MTMR14: variants seen among roughly 807,000 people sequenced by gnomAD.
MTMR14 encodes myotubularin related protein 14.
MTMR14 carries 48 observed loss-of-function variants against 86.3 expected under a neutral mutation model. The ratio of observed to expected loss-of-function variants is 0.56; its 90% confidence interval spans 0.44 to 0.71. The LOEUF is 0.71. Ranked by LOEUF, MTMR14 falls within the 30% of genes least tolerant of loss-of-function variation. The pLI is 0.00. For synonymous variants in MTMR14, 366 were observed against 326.1 expected, an observed-to-expected ratio of 1.12 and a Z score of -1.32; for missense variants, 780 against 834.6, an observed-to-expected ratio of 0.93 and a Z score of 0.81.
chr3:9,688,577 C>G, intron 14 of MTMR14, 119 bp from the exon 15 acceptor site: 1 of 1,131,486 alleles, frequency 8.8e-7, no homozygotes, highest in Non-Finnish European at 1.3e-6. Context: ...AGGCTAGGAC[C>G]CGTCTCCACA....
intron 2 of MTMR14, among the ~76,000 whole-genome samples, chr3:9,655,709 C>T (rs1291254049): frequency 1.3e-5 from 2 of 151,500 alleles, no homozygotes. Flanking sequence ...GATCCAGCCG[C>T]CTCGGCCTCC....
At chr3:9,689,141 C>T in intron 16 of MTMR14, 59 bp downstream of exon 16, 1 of 1,597,724 alleles carries the variant, frequency 6.3e-7, no homozygotes, top group South Asian at 1.1e-5. Context: ...CCATCAGCAC[C>T]AGGGAGCCAG....
chr3:9,690,033 G>A lies in MTMR14; in HGVS notation c.1503G>A (p.Leu501=), dbSNP rs1356114194. The part of the protein sequence containing the change: ...WNRPQPSEDR[L]PSQQGLAEAR... Reference sequence around the variant, plus strand: ...GGCCACAACCCTCAGAGGACCGCTTGCCTTCCCAGCAGGGGCTGGCGGAAG... The same window carrying A: ...GGCCACAACCCTCAGAGGACCGCTTACCTTCCCAGCAGGGGCTGGCGGAAG... Residue 501 remains leucine, a synonymous_variant, in exon 17 of 19, where the codon TTG becomes TTA. Transcript: ENST00000296003. 6.2e-7 allele frequency: 1 copy of A among 1,612,784 alleles called. No homozygotes were observed. Among genetic ancestry groups the A allele is most frequent in the Admixed American group, 1.7e-5 (1 of 60,004 alleles).
rs764090288 is a variant in MTMR14, at chr3:9,684,630, C to A, written c.1010C>A (p.Thr337Asn). 3.1e-6 allele frequency: 5 copies of A among 1,614,112 alleles called. No homozygotes were observed. The highest frequency in any genetic ancestry group is 3.4e-6 in the Non-Finnish European group (4 of 1,180,004). The change falls in exon 11 of 19, where the codon ACC becomes AAC. Residue 337 changes from threonine to asparagine, a missense_variant. Thr to Asn is a moderately conservative substitution (Grantham distance 65, BLOSUM62 0). Coordinates refer to ENST00000296003, the MANE Select transcript of MTMR14 (RefSeq NM_001077525.3). ...LVHCISGWDR[T>N]PLFISLLRLS... The stretch of plus-strand genomic sequence containing the variant: ...CACTGTATCTCAGGCTGGGATCGGA[C>A]CCCCCTCTTCATCTCCCTCCTGCGC...
In MTMR14 at chr3:9,701,967, C is replaced by T. The variant is rs752439866; in HGVS notation, c.1947C>T (p.Ala649=). The change falls in exon 19 of 19, where the codon GCC becomes GCT. Residue 649 remains alanine (A), a synonymous_variant. Transcript: ENST00000296003. The surrounding 1 kb of genome is among the most constrained non-coding windows in gnomAD (Gnocchi z 4.2). ...GACTCCGGAGCATCAGCAGCAATGC[C>T]TTGTGAAGAAGCCAGCCCATGACAT... ...GVGLRSISSN[A]L 12 of 1,614,152 alleles carry T rather than the reference C, an allele frequency of 7.4e-6. No homozygotes were observed. The South Asian group carries it at 1.2e-4, about 16-fold the overall frequency.
At chr3:9,650,433 TC>T in intron 1 of MTMR14, 1 of 453,854 alleles carries the variant, frequency 2.2e-6, no homozygotes, top group Non-Finnish European at 4.4e-6. Context: ...GCCATCTCAT[TC>T]CCCCACGTGG....
At position 9,683,160 on chromosome 3, in the gene MTMR14, C is replaced by T; in HGVS notation, c.898-18C>T. 6.2e-7 allele frequency: 1 copy of T among 1,611,838 alleles called. No individual in the cohort carries two copies. The highest frequency in any genetic ancestry group is 8.5e-7 in the Non-Finnish European group (1 of 1,177,986). ...AAATCTGAGTTAATGTCCATTTCTT[C>T]TCACTTTTCTCCAACAGTGTTGGGA... is the stretch of plus-strand genomic sequence containing the variant. On this transcript the variant is annotated intron_variant, in intron 9 of 18. Coordinates refer to ENST00000296003, the MANE Select transcript of MTMR14 (RefSeq NM_001077525.3).
chr3:9,690,732 C>T (rs1312443979), intron 17 of MTMR14, among the ~76,000 whole-genome samples: 1 of 152,184 alleles, frequency 6.6e-6, no homozygotes, highest in Non-Finnish European at 1.5e-5. Context: ...GCTGGTCTGG[C>T]ACTTGGGGAA....
At chr3:9,674,470 A>G (rs1467014594) in intron 7 of MTMR14, among the ~76,000 whole-genome samples, 1 of 152,230 alleles carries the variant, frequency 6.6e-6, no homozygotes, top group African/African-American at 2.4e-5. Flanking sequence ...CCTCAGTAGA[A>G]TGAAATATTG....
chr3:9,660,662 G>T (rs549326748), intron 2 of MTMR14, among the ~76,000 whole-genome samples: 2 of 152,294 alleles, frequency 1.3e-5, no homozygotes, highest in Admixed American at 1.3e-4. Flanking sequence ...ACAAGTATGT[G>T]GGAGTCACTG....
At chr3:9,656,845 T>C (rs1414865734) in intron 2 of MTMR14, among the ~76,000 whole-genome samples, 1 of 152,354 alleles carries the variant, frequency 6.6e-6, no homozygotes, top group East Asian at 1.9e-4. Flanking sequence ...TCTTTGGTGC[T>C]GGCTGGCTGG....
chr3:9,655,095 C>G (rs970078781), intron 2 of MTMR14, among the ~76,000 whole-genome samples: 5 of 152,118 alleles, frequency 3.3e-5, no homozygotes, highest in Admixed American at 6.6e-5. Context: ...TATGGATTCT[C>G]GGCCTGGCCT....
In MTMR14 at chr3:9,668,727, C is replaced by T. The variant is rs956964466; in HGVS notation, c.426C>T (p.Cys142=). 11 of 1,614,076 alleles carry T rather than the reference C, an allele frequency of 6.8e-6. No individual in the cohort carries two copies. The highest frequency in any genetic ancestry group is 9.3e-6 in the Non-Finnish European group (11 of 1,180,016). Reference sequence around the variant, plus strand: ...TGATGTTTCTCTCCCAGCACATTTGCAGGTCGGCCACACTGGCTGGATGGG... The same window carrying T: ...TGATGTTTCTCTCCCAGCACATTTGTAGGTCGGCCACACTGGCTGGATGGG... ...PVILFKGKHI[C]RSATLAGWGE... is the part of the protein sequence containing the mutation. Residue 142 remains cysteine, a synonymous_variant, in exon 4 of 19, where the codon TGC becomes TGT. Coordinates refer to ENST00000296003, the MANE Select transcript of MTMR14 (RefSeq NM_001077525.3).
intron 17 of MTMR14, among the ~76,000 whole-genome samples, chr3:9,691,340 C>T (rs2076134248): frequency 6.6e-6 from 1 of 152,216 alleles, no homozygotes; most frequent in Non-Finnish European, 1.5e-5. Context: ...GTGCCGGTGC[C>T]CCGTCCCATC....
At chr3:9,690,286 G>A in intron 17 of MTMR14, 143 bp downstream of exon 17, 1 of 931,478 alleles carries the variant, frequency 1.1e-6, no homozygotes, top group Non-Finnish European at 1.7e-6. Context: ...GGATGGGTTA[G>A]TGTTTGGTAA....
At chr3:9,685,133 CTG>C (rs2075895214) in intron 12 of MTMR14, 76 bp from the exon 13 acceptor site, 7 of 1,592,674 alleles carry the variant, frequency 4.4e-6, no homozygotes, top group Non-Finnish European at 6.0e-6. Flanking sequence ...GTGACACAGT[CTG>C]TGTCTGGTGA....
chr3:9,681,363 A>C (rs527620963), intron 9 of MTMR14, among the ~76,000 whole-genome samples: 1 of 152,314 alleles, frequency 6.6e-6, no homozygotes, highest in Non-Finnish European at 1.5e-5. Context: ...AGCAAGGAAC[A>C]TTCTGCAATG....
chr3:9,674,029 A>C (rs578053534), intron 7 of MTMR14, among the ~76,000 whole-genome samples: 1 of 152,162 alleles, frequency 6.6e-6, no homozygotes, highest in South Asian at 2.1e-4. Flanking sequence ...TATCCTACCT[A>C]AGGGGGTCCA....
In MTMR14 at chr3:9,685,029, T is replaced by C. The variant is rs2075891219; in HGVS notation, c.1127+65T>C. ...CAGTTTCTATATGTGAGTTGTGTGGTGGCTCCCTTGACAGGGGCTGGAGGT... is the reference window on the plus strand; with the variant it reads ...CAGTTTCTATATGTGAGTTGTGTGGCGGCTCCCTTGACAGGGGCTGGAGGT... On this transcript the variant is annotated intron_variant, in intron 12 of 18. Coordinates refer to ENST00000296003, the MANE Select transcript of MTMR14 (RefSeq NM_001077525.3). The C allele has an allele frequency of 2.6e-6, 4 of 1,546,122 alleles. No individual in the cohort carries two copies. The African/African-American group carries it at 5.4e-5, about 21-fold the overall frequency.
Sources: gnomAD v4.1 joint callset for allele counts (sites outside exome capture counted in the v4.1 genomes callset) on GRCh38, gnomAD v4.1.1 for gene constraint, Gnocchi (gnomAD v3.1) non-coding constraint, MANE v1.5 for transcripts, NCBI Gene and HGNC (gene_info 2026-07-23, HGNC 2026-07-21) for gene names.